CADPS: variants seen among roughly 807,000 people sequenced by gnomAD.
CADPS encodes calcium dependent secretion activator.
A neutral mutation model predicts 167.3 loss-of-function variants in CADPS; 57 were observed. That is an observed-to-expected ratio of 0.34 (90% CI 0.28 to 0.42). CADPS has a LOEUF of 0.42. Ranked by LOEUF, CADPS falls within the 20% of genes least tolerant of loss-of-function variation. CADPS has a pLI of 1.00. For synonymous variants in CADPS, 676 were observed against 635.3 expected (o/e 1.06, Z -0.96); for missense variants, 1,414 against 1,738.1 (o/e 0.81, Z 3.32).
At chr3:62,662,278 C>T (rs1325995374) in intron 4 of CADPS, 36 bp downstream of exon 4, 1 of 1,564,678 alleles carries the variant, frequency 6.4e-7, no homozygotes, top group Non-Finnish European at 8.8e-7. Flanking sequence ...GGGACTTTGG[C>T]CTGGACCCCA....
At chr3:62,858,475 CTG>C (rs1007027396) in intron 1 of CADPS, among the ~76,000 whole-genome samples, 2 of 152,064 alleles carry the variant, frequency 1.3e-5, no homozygotes, top group Non-Finnish European at 2.9e-5. Flanking sequence ...CAGTATAGTG[CTG>C]TGTGTTGATG....
At chr3:62,491,265 C>A (rs2063650139) in intron 21 of CADPS, 74 bp downstream of exon 21, 2 of 1,431,238 alleles carry the variant, frequency 1.4e-6, no homozygotes, top group African/African-American at 1.4e-5. Flanking sequence ...CATATGACAT[C>A]ATTAATCCAT....
chr3:62,827,179 A>G (rs1250373515), intron 1 of CADPS, among the ~76,000 whole-genome samples: 2 of 152,196 alleles, frequency 1.3e-5, no homozygotes, highest in African/African-American at 4.8e-5. Context: ...TCTATCCCAT[A>G]GCTGGAAATA....
At chr3:62,860,471 C>G (rs1327711957) in intron 1 of CADPS, among the ~76,000 whole-genome samples, 1 of 152,164 alleles carries the variant, frequency 6.6e-6, no homozygotes, top group Non-Finnish European at 1.5e-5. Context: ...TCTGCATATG[C>G]TCAAGTCTCA....
At chr3:62,495,049 T>C (rs1212455620) in intron 18 of CADPS, among the ~76,000 whole-genome samples, 2 of 152,194 alleles carry the variant, frequency 1.3e-5, no homozygotes, top group Non-Finnish European at 2.9e-5. Flanking sequence ...TCATCCCTCA[T>C]TGTAATTTAA....
chr3:62,787,978 T>C (rs1576415274), intron 1 of CADPS, among the ~76,000 whole-genome samples: 2 of 152,304 alleles, frequency 1.3e-5, no homozygotes, highest in South Asian at 4.1e-4. Flanking sequence ...GTTCTAAATA[T>C]AATAATAAAA....
intron 28 of CADPS, among the ~76,000 whole-genome samples, chr3:62,413,711 T>C (rs2049434979): frequency 6.6e-6 from 1 of 152,176 alleles, no homozygotes; most frequent in Non-Finnish European, 1.5e-5. Flanking sequence ...TATAATACTA[T>C]TGAACTGTAC....
At chr3:62,833,141 T>C (rs1041718151) in intron 1 of CADPS, among the ~76,000 whole-genome samples, 4 of 152,120 alleles carry the variant, frequency 2.6e-5, no homozygotes, top group Non-Finnish European at 5.9e-5. Context: ...ATATGGCACA[T>C]ACTTTTCTAC....
chr3:62,675,839 G>A (rs2076255912), intron 3 of CADPS, among the ~76,000 whole-genome samples: 2 of 152,086 alleles, frequency 1.3e-5, no homozygotes, highest in Admixed American at 1.3e-4. Flanking sequence ...TAGTTCACCT[G>A]CTTATGTTGC....
At chr3:62,607,099 G>A (rs2060794879) in intron 6 of CADPS, among the ~76,000 whole-genome samples, 1 of 152,214 alleles carries the variant, frequency 6.6e-6, no homozygotes, top group Non-Finnish European at 1.5e-5. Flanking sequence ...TCTATGTTCT[G>A]TTGGTCTGTC....
chr3:62,530,097 A>G (rs910074283), intron 13 of CADPS, among the ~76,000 whole-genome samples: 2 of 152,206 alleles, frequency 1.3e-5, no homozygotes, highest in African/African-American at 2.4e-5. Flanking sequence ...ACCTCAGTAT[A>G]TAAGTGATTC....
intron 11 of CADPS, among the ~76,000 whole-genome samples, chr3:62,540,339 T>C (rs1387013276): frequency 6.6e-6 from 1 of 152,088 alleles, no homozygotes; most frequent in African/African-American, 2.4e-5. Context: ...TACATAAAAT[T>C]GAATCCCTTG....
intron 6 of CADPS, among the ~76,000 whole-genome samples, chr3:62,622,687 G>C (rs1046420642): frequency 3.9e-5 from 6 of 151,982 alleles, no homozygotes; most frequent in Non-Finnish European, 7.4e-5. Flanking sequence ...TTGATGGTTT[G>C]TTCCCTGATA....
At chr3:62,661,471 C>T (rs77680825) in intron 4 of CADPS, among the ~76,000 whole-genome samples, 1,775 of 152,168 alleles carry the variant, frequency 0.012, 29 homozygotes, top group African/African-American at 0.04. Flanking sequence ...TGGAGGGAGA[C>T]ATTCTCTGTA....
intron 3 of CADPS, among the ~76,000 whole-genome samples, chr3:62,724,307 C>A (rs1301802245): frequency 2.0e-5 from 3 of 152,154 alleles, no homozygotes; most frequent in African/African-American, 4.8e-5. Flanking sequence ...AACCTGCCTC[C>A]CTTTTACTGA....
intron 28 of CADPS, among the ~76,000 whole-genome samples, chr3:62,434,313 T>C (rs1393287914): frequency 6.6e-6 from 1 of 152,192 alleles, no homozygotes; most frequent in Non-Finnish European, 1.5e-5. Context: ...ACATCTGAAA[T>C]ATTATGGGAA....
At chr3:62,415,859 G>A (rs1424676494) in intron 28 of CADPS, among the ~76,000 whole-genome samples, 2 of 152,054 alleles carry the variant, frequency 1.3e-5, no homozygotes, top group East Asian at 1.9e-4. Context: ...GAAGTTGGGA[G>A]TGGGGATGCT....
intron 2 of CADPS, among the ~76,000 whole-genome samples, chr3:62,754,037 G>A (rs987466968): frequency 6.6e-6 from 1 of 152,202 alleles, no homozygotes; most frequent in African/African-American, 2.4e-5. Context: ...ATACTATCAT[G>A]AGAGGCAGCA....
chr3:62,420,437 C>G lies in CADPS; in HGVS notation c.3778-17252G>C, dbSNP rs184380113. On this transcript the variant is annotated intron_variant, in intron 28 of 29. Transcript: ENST00000383710. The surrounding 1 kb of genome is among the most constrained non-coding windows in gnomAD (Gnocchi z 4.1). ...AACATACAAGGACTGGGTGCAGGGA[C>G]AATATTCAGATGGTGGTCCAGGAGC... 2.7e-4 allele frequency among the ~76,000 whole-genome samples: 41 copies of G among 152,192 alleles called. No individual in the cohort carries two copies. The East Asian group carries it at 7.9e-3, about 29-fold the overall frequency.
Sources: gnomAD v4.1 joint callset for allele counts (sites outside exome capture counted in the v4.1 genomes callset) on GRCh38, gnomAD v4.1.1 for gene constraint, Gnocchi (gnomAD v3.1) non-coding constraint, MANE v1.5 for transcripts, NCBI Gene and HGNC (gene_info 2026-07-23, HGNC 2026-07-21) for gene names.